Variants in TLE1 observed in about 807,000 individuals in gnomAD.
TLE1 encodes the protein TLE family member 1, transcriptional corepressor.
In TLE1, 21 loss-of-function variants were observed where a neutral mutation model predicts 89.8. The observed-to-expected ratio is 0.23, with a 90% CI of 0.17 to 0.34. The LOEUF is 0.34. Among genes scored for constraint, TLE1 ranks in the 10% least tolerant of loss-of-function variants. The pLI is 1.00. For missense variants in TLE1, 795 were observed against 1,031.2 expected (o/e 0.77, Z 3.14); for synonymous variants, 447 against 407.6 (o/e 1.10, Z -1.16).
Position 81,627,844 on chromosome 9 carries a change from T to TGA in TLE1, c.594+5502_594+5503dup, listed in dbSNP as rs768936475. Among the ~76,000 whole-genome samples, 138 of 152,166 alleles carry TGA rather than the reference T, an allele frequency of 9.1e-4. 1 individual carries two copies. The highest frequency in any genetic ancestry group is 1.0e-4 in the Non-Finnish European group (7 of 68,036). Reference sequence around the variant, plus strand: ...GATCAGTTTCACGGTGCTGACATGCTGAGAACCATCAGTAACTGCCACCTT... The same window carrying TGA: ...GATCAGTTTCACGGTGCTGACATGCTGAGAGAACCATCAGTAACTGCCACCTT... On this transcript the variant is annotated intron_variant, in intron 8 of 19. Transcript: ENST00000376499.
chr9:81,618,403 T>C (rs1314734219), intron 9 of TLE1, among the ~76,000 whole-genome samples: 1 of 152,184 alleles, frequency 6.6e-6, no homozygotes, highest in African/African-American at 2.4e-5. Context: ...AAATGATTTA[T>C]TTCCTAATCA....
intron 13 of TLE1, 84 bp from the exon 14 acceptor site, chr9:81,610,380 C>T (rs1285364449): frequency 2.0e-6 from 2 of 1,004,838 alleles, no homozygotes; most frequent in Non-Finnish European, 1.5e-6. Context: ...TAGAAACTCA[C>T]AGATCCCCAA....
At chr9:81,628,959 C>A (rs564296369) in intron 8 of TLE1, among the ~76,000 whole-genome samples, 1 of 152,120 alleles carries the variant, frequency 6.6e-6, no homozygotes, top group African/African-American at 2.4e-5. Flanking sequence ...AATGCCACTG[C>A]GTAGGTCTAT....
At chr9:81,585,776 G>T in intron 17 of TLE1, 121 bp from the exon 18 acceptor site, 2 of 1,277,142 alleles carry the variant, frequency 1.6e-6, no homozygotes, top group Non-Finnish European at 2.1e-6. Flanking sequence ...AGTCCAGACT[G>T]TGGGGAGGTC....
At position 81,687,983 on chromosome 9, in the gene TLE1, C is replaced by A. The variant is rs569673111; in HGVS notation, c.24+234G>T. 5.0e-4 allele frequency among the ~76,000 whole-genome samples: 76 copies of A among 152,174 alleles called. 3 individuals are homozygous for A. The South Asian group carries it at 6.6e-3, about 13-fold the overall frequency. On this transcript the variant is annotated intron_variant, in intron 1 of 19. Coordinates refer to ENST00000376499, the MANE Select transcript of TLE1 (RefSeq NM_005077.5). ...AGAGAAACCCCAGCCTTCCCCAGCG[C>A]CCCTGTCCGCTCGGTATAGACGTCA... is the stretch of plus-strand genomic sequence containing the variant.
At chr9:81,666,983 G>A (rs1378944152) in intron 4 of TLE1, among the ~76,000 whole-genome samples, 1 of 151,880 alleles carries the variant, frequency 6.6e-6, no homozygotes, top group African/African-American at 2.4e-5. Context: ...AGCCGGGTGT[G>A]GTGGTGTGGC....
chr9:81,675,176 CAGAT>C (rs984002171), intron 4 of TLE1, among the ~76,000 whole-genome samples: 3 of 152,034 alleles, frequency 2.0e-5, no homozygotes, highest in East Asian at 1.9e-4. Flanking sequence ...AGATATATGA[CAGAT>C]AGATATTACA....
At chr9:81,587,941 T>TGTGTGTGTGTGTGTGTGC in intron 16 of TLE1, 113 bp from the exon 17 acceptor site, 1 of 1,227,004 alleles carries the variant, frequency 8.1e-7, no homozygotes, top group Admixed American at 2.4e-5. Flanking sequence ...TGTGTGTGTG[T>TGTGTGTGTGTGTGTGTGC]GTGTGATCCC....
intron 17 of TLE1, among the ~76,000 whole-genome samples, chr9:81,587,462 T>C (rs952993741): frequency 6.6e-6 from 1 of 152,148 alleles, no homozygotes; most frequent in African/African-American, 2.4e-5. Context: ...CACCTTAACC[T>C]ACAGGATTCT....
intron 7 of TLE1, 194 bp downstream of exon 7, chr9:81,633,903 T>C: frequency 1.8e-6 from 1 of 557,496 alleles, no homozygotes. Flanking sequence ...GATCGAGAAA[T>C]CTACAGATGC....
At chr9:81,614,198 G>T (rs1587970736) in intron 11 of TLE1, among the ~76,000 whole-genome samples, 1 of 152,062 alleles carries the variant, frequency 6.6e-6, no homozygotes, top group South Asian at 2.1e-4. Context: ...CTGAGCCACC[G>T]CGCCAGGCCA....
At chr9:81,681,563 AG>A (rs1445785243) in intron 4 of TLE1, among the ~76,000 whole-genome samples, 33 of 144,104 alleles carry the variant, frequency 2.3e-4, no homozygotes, top group Middle Eastern at 3.2e-3. Context: ...AAAAAAAAAA[AG>A]AAAAAAAATT....
intron 4 of TLE1, among the ~76,000 whole-genome samples, chr9:81,654,612 AT>A (rs1187009923): frequency 6.6e-6 from 1 of 152,194 alleles, no homozygotes; most frequent in Non-Finnish European, 1.5e-5. Flanking sequence ...AAGTGCTGGG[AT>A]TACAGGCGTG....
chr9:81,678,501 C>T (rs939279071), intron 4 of TLE1, among the ~76,000 whole-genome samples: 13 of 152,164 alleles, frequency 8.5e-5, no homozygotes, highest in African/African-American at 3.1e-4. Flanking sequence ...ACATGCCTGG[C>T]TTGCAACTTA....
At position 81,603,574 on chromosome 9, in the gene TLE1, C is replaced by G. The variant is rs987033535; in HGVS notation, c.1331+6646G>C. Among the ~76,000 whole-genome samples, 111 of 152,304 alleles carry G rather than the reference C, an allele frequency of 7.3e-4. 1 individual carries two copies. Among genetic ancestry groups the G allele is most frequent in the Admixed American group, 2.1e-3 (32 of 15,304 alleles). On this transcript the variant is annotated intron_variant, in intron 14 of 19. Transcript: ENST00000376499. ...AAAGGGATTTCCACAAATAAACTTA[C>G]CAAAATAACCTTTGTCTCCCACAAG... is the stretch of plus-strand genomic sequence containing the variant.
chr9:81,625,007 G>A (rs547995750), intron 8 of TLE1, among the ~76,000 whole-genome samples: 17 of 152,262 alleles, frequency 1.1e-4, no homozygotes, highest in African/African-American at 3.9e-4. Context: ...AAGCATATCT[G>A]AGAAGTCTAA....
rs756768176 is a variant in TLE1 at position 81,687,301 on chromosome 9, G to C, written c.125+33C>G. The C allele has an allele frequency of 5.1e-6, 8 of 1,573,456 alleles. No homozygotes were observed. The African/African-American group carries it at 1.1e-4, about 21-fold the overall frequency. On this transcript the variant is annotated intron_variant, in intron 2 of 19. Transcript: ENST00000376499. ...GGGTGCAAGGGGCACCGGGACGCCCGCGACCACTCGCATGGCGCGGCCGGA... is the reference window on the plus strand; with the variant it reads ...GGGTGCAAGGGGCACCGGGACGCCCCCGACCACTCGCATGGCGCGGCCGGA...
intron 8 of TLE1, among the ~76,000 whole-genome samples, chr9:81,628,414 G>A (rs566787436): frequency 7.9e-5 from 12 of 152,266 alleles, no homozygotes; most frequent in African/African-American, 2.4e-4. Context: ...ATAGGCCTCC[G>A]GGAATGAACG....
At chr9:81,633,834 C>T in intron 7 of TLE1, 1 of 496,918 alleles carries the variant, frequency 2.0e-6, no homozygotes, top group Non-Finnish European at 3.5e-6. Context: ...TAATATGGTA[C>T]AGGCCACTGG....
Sources: allele counts gnomAD v4.1 joint callset (sites outside exome capture counted in the v4.1 genomes callset), GRCh38; gene constraint gnomAD v4.1.1; transcripts MANE v1.5; gene names NCBI Gene and HGNC (gene_info 2026-07-23, HGNC 2026-07-21).